STAG3: variants seen among roughly 807,000 people sequenced by gnomAD.
STAG3 encodes the protein STAG3 cohesin complex component.
In STAG3, 101 loss-of-function variants were observed where a neutral mutation model predicts 160.7. The observed-to-expected ratio is 0.63, with a 90% CI of 0.54 to 0.74. The LOEUF (loss-of-function observed/expected upper bound fraction) is 0.74. Ranked by LOEUF, STAG3 falls within the 30% of genes least tolerant of loss-of-function variation. The pLI, the probability that STAG3 is intolerant of heterozygous loss-of-function variation, is 0.00. For synonymous variants in STAG3, 519 were observed against 585.0 expected, an observed-to-expected ratio of 0.89 and a Z score of 1.63; for missense variants, 1,188 against 1,517.4, an observed-to-expected ratio of 0.78 and a Z score of 3.61.
At chr7:100,188,231 G>A (rs949920590) in intron 5 of STAG3, among the ~76,000 whole-genome samples, 11 of 152,144 alleles carry the variant, frequency 7.2e-5, no homozygotes, top group Admixed American at 7.2e-4. Context: ...ATTTGGCCAT[G>A]TCTACACCAT....
Position 100,201,157 on chromosome 7 carries a change from A to G in STAG3, c.2129A>G (p.Tyr710Cys). 1 of 1,614,204 alleles carries G rather than the reference A, an allele frequency of 6.2e-7. No homozygotes were observed. Among genetic ancestry groups the G allele is most frequent in the Non-Finnish European group, 8.5e-7 (1 of 1,180,034 alleles). The change falls in exon 20 of 34, where the codon TAC (tyrosine) becomes TGC (cysteine). Residue 710 changes from tyrosine to cysteine, a missense_variant. By Grantham distance (194) the Tyr-to-Cys change is radical. Coordinates refer to ENST00000615138, the MANE Select transcript of STAG3 (RefSeq NM_001282717.2). The part of the protein sequence containing the change: ...AATLKRLSAF[Y>C]NTHDLTRWEL... ...ACTCTGAAACGCCTCTCTGCCTTCT[A>G]CAAGTGAGTGGCTTTCCTCCTCTTC... is the stretch of plus-strand genomic sequence containing the variant.
rs2272343 is a variant in STAG3 at position 100,180,662 on chromosome 7, A to C, written c.106A>C (p.Thr36Pro). 0.2 allele frequency: 321,017 copies of C among 1,591,102 alleles called. 35,127 individuals carry two copies. The highest frequency in any genetic ancestry group is 0.36 in the Middle Eastern group (2,187 of 5,994). The change falls in exon 2 of 34, where the codon ACC becomes CCC. Residue 36 changes from threonine (T) to proline (P), a missense_variant. By Grantham distance (38) the Thr-to-Pro change is conservative. This residue lies in a region of STAG3 where 296 missense variants were observed against 404.0 expected (regional missense o/e 0.73). Coordinates refer to ENST00000615138, the MANE Select transcript of STAG3 (RefSeq NM_001282717.2). ...CTTTGATGACAGGGACTCAAACCAT[A>C]CCTCAGAGGGGTAAGTAGATGTTGC... The part of the protein sequence containing the change: ...LPFDDRDSNH[T>P]SEGNGDSLLA...
At chr7:100,189,084 C>G (rs1800200409) in intron 7 of STAG3, 68 bp downstream of exon 7, 2 of 1,553,090 alleles carry the variant, frequency 1.3e-6, no homozygotes, top group South Asian at 2.3e-5. Context: ...TTCTCTGATT[C>G]AGGATCTTCT....
At chr7:100,202,134 TTC>T (rs1348162334) in intron 23 of STAG3, 36 bp from the exon 24 acceptor site, 9 of 1,609,564 alleles carry the variant, frequency 5.6e-6, no homozygotes, top group Non-Finnish European at 7.6e-6. Flanking sequence ...TTGGGAAACA[TTC>T]TGTCCTTTTA....
chr7:100,200,277 G>A lies in STAG3; in HGVS notation c.1719G>A (p.Arg573=). 6.2e-7 allele frequency: 1 copy of A among 1,613,384 alleles called. No homozygotes were observed. The highest frequency in any genetic ancestry group is 8.5e-7 in the Non-Finnish European group (1 of 1,179,962). ...AGCGCAAGACCCAAGCCGATGACAG[G>A]GTGAAGTTGACTGAGCACCTCATCC... ...SKERKTQADD[R]VKLTEHLIPL... The change falls in exon 17 of 34, where the codon AGG becomes AGA. Residue 573 remains arginine (R), a synonymous_variant. Coordinates refer to ENST00000615138, the MANE Select transcript of STAG3 (RefSeq NM_001282717.2).
chr7:100,204,949 GC>G, intron 27 of STAG3, 55 bp from the exon 28 acceptor site: 6 of 1,594,872 alleles, frequency 3.8e-6, no homozygotes, highest in Non-Finnish European at 5.1e-6. Context: ...GATAGCTCAG[GC>G]CTGGGAGGGA....
intron 6 of STAG3, 63 bp downstream of exon 6, chr7:100,188,592 CCTT>C: frequency 1.5e-6 from 2 of 1,320,710 alleles, no homozygotes; most frequent in Non-Finnish European, 2.2e-6. Context: ...CCTATTATCC[CCTT>C]CTTTTTGATT....
chr7:100,206,098 T>G (rs2117420190), intron 29 of STAG3, among the ~76,000 whole-genome samples: 1 of 152,030 alleles, frequency 6.6e-6, no homozygotes, highest in African/African-American at 2.4e-5. Flanking sequence ...CACTGCAAGC[T>G]CTGCCTCCCA....
rs1476223140 is a variant in STAG3, at chr7:100,201,155, C to T, written c.2127C>T (p.Phe709=). The change falls in exon 20 of 34, where the codon TTC becomes TTT. Residue 709 remains phenylalanine, a synonymous_variant. Coordinates refer to ENST00000615138, the MANE Select transcript of STAG3 (RefSeq NM_001282717.2). ...LAATLKRLSA[F]YNTHDLTRWE... ...CCACTCTGAAACGCCTCTCTGCCTT[C>T]TACAAGTGAGTGGCTTTCCTCCTCT... 6.2e-7 allele frequency: 1 copy of T among 1,614,248 alleles called. No homozygotes were observed. Among genetic ancestry groups the T allele is most frequent in the South Asian group, 1.1e-5 (1 of 91,090 alleles).
intron 25 of STAG3, 56 bp downstream of exon 25, chr7:100,202,646 G>T: frequency 6.3e-7 from 1 of 1,582,480 alleles, no homozygotes; most frequent in South Asian, 1.1e-5. Context: ...GCACAGCCAT[G>T]ACTTGGAAAC....
chr7:100,209,451 G>A (rs1328305970), intron 29 of STAG3, among the ~76,000 whole-genome samples: 7 of 152,192 alleles, frequency 4.6e-5, no homozygotes, highest in Non-Finnish European at 7.3e-5. Context: ...TAGGACATGA[G>A]ACCAAAGAGG....
chr7:100,205,419 C>G, intron 29 of STAG3, 35 bp downstream of exon 29: 1 of 1,557,520 alleles, frequency 6.4e-7, no homozygotes. Context: ...GGGTGCCCAG[C>G]AGGTGGTCGT....
chr7:100,197,071 C>T, intron 9 of STAG3, 85 bp from the exon 10 acceptor site: 2 of 1,511,358 alleles, frequency 1.3e-6, no homozygotes, highest in Non-Finnish European at 1.8e-6. Context: ...ATAAATTCTT[C>T]CATGAGAGGG....
rs541172189 is a variant in STAG3 at position 100,212,300 on chromosome 7, T to C, written c.3600+424T>C. 280 of 161,500 alleles carry C rather than the reference T, an allele frequency of 1.7e-3. 1 individual carries two copies. The highest frequency in any genetic ancestry group is 2.7e-3 in the Non-Finnish European group (194 of 73,120). 10.0% of individuals were successfully genotyped at this position (161,500 alleles called of 1,614,324 possible). A position where few individuals can be genotyped will look rare whatever the true frequency, so the allele number is the denominator to read the frequency against. On this transcript the variant is annotated intron_variant, in intron 32 of 33. Coordinates refer to ENST00000615138, the MANE Select transcript of STAG3 (RefSeq NM_001282717.2). ...CCTCCCTGTCCCTTCCCTCACTCCC[T>C]TTCTAACCTAGCCTGTTTCCCCAGG...
In STAG3 at chr7:100,205,055, A is replaced by G. The variant is rs141144236; in HGVS notation, c.3002A>G (p.Asn1001Ser). Residue 1001 changes from asparagine to serine, a missense_variant, in exon 28 of 34, where the codon AAT (asparagine) becomes AGT (serine). Physicochemically the swap from Asn to Ser is conservative, Grantham distance 46. This residue lies in a region of STAG3 where 647 missense variants were observed against 717.2 expected (regional missense o/e 0.90). Coordinates refer to ENST00000615138, the MANE Select transcript of STAG3 (RefSeq NM_001282717.2). The stretch of plus-strand genomic sequence containing the variant: ...GAGCTTCCTCCAGCTGGCTCCTCCA[A>G]TCAGCCTCCAAATCTGGCATTCCTG... ...LSELPPAGSS[N>S]QPPNLAFLEL... 1.7e-5 allele frequency: 27 copies of G among 1,614,034 alleles called. No homozygotes were observed. Among genetic ancestry groups the G allele is most frequent in the Admixed American group, 1.5e-4 (9 of 60,006 alleles).
intron 29 of STAG3, among the ~76,000 whole-genome samples, chr7:100,210,542 C>G (rs1311862014): frequency 6.6e-6 from 1 of 152,050 alleles, no homozygotes; most frequent in Non-Finnish European, 1.5e-5. Flanking sequence ...CCTCCCTGGC[C>G]CTCATTTGTC....
At chr7:100,215,765 T>C (rs1313420255), downstream of STAG3, among the ~76,000 whole-genome samples, 1 of 152,164 alleles carries the variant, frequency 6.6e-6, no homozygotes, top group Non-Finnish European at 1.5e-5. Flanking sequence ...CCTTTGACAC[T>C]GTTTATTGAG....
Position 100,200,610 on chromosome 7 carries a change from C to T in STAG3, c.1860+68C>T, listed in dbSNP as rs867821291. The T allele has an allele frequency of 2.9e-5, 45 of 1,567,212 alleles. 1 individual carries two copies. In the African/African-American group the frequency reaches 5.4e-4, roughly 19 times the overall value. ...GGCCAAAGGGTTCTATTGCCAGTAT[C>T]TTTTTTTCCTAAGAACTTGGGTTCC... On this transcript the variant is annotated intron_variant, in intron 18 of 33. Transcript: ENST00000615138.
At position 100,205,146 on chromosome 7, in the gene STAG3, G is replaced by A. The variant is rs371177158; in HGVS notation, c.3080+13G>A. On this transcript the variant is annotated intron_variant, in intron 28 of 33. Coordinates refer to ENST00000615138, the MANE Select transcript of STAG3 (RefSeq NM_001282717.2). ...ACAAGCAGCTTTTGTAAGTTGGTGG[G>A]TGGATAGAGATGTGGATTAGGGAAG... The A allele has an allele frequency of 2.5e-6, 4 of 1,614,054 alleles. No individual in the cohort carries two copies. In the South Asian group the frequency reaches 4.4e-5, roughly 18 times the overall value.
Sources: gnomAD v4.1 joint callset for allele counts (sites outside exome capture counted in the v4.1 genomes callset) on GRCh38, gnomAD v4.1.1 for gene constraint, gnomAD v4.1.1 regional missense constraint, MANE v1.5 for transcripts, NCBI Gene and HGNC (gene_info 2026-07-23, HGNC 2026-07-21) for gene names.